The following TANC2 variants were observed in gnomAD, a reference collection of about 807,000 sequenced individuals.
TANC2 encodes the protein tetratricopeptide repeat, ankyrin repeat and coiled-coil containing 2.
TANC2 carries 26 observed loss-of-function variants against 210.5 expected under a neutral mutation model. That is an observed-to-expected ratio of 0.12 (90% CI 0.09 to 0.17). TANC2 has a LOEUF of 0.17. Among genes scored for constraint, TANC2 ranks in the 10% least tolerant of loss-of-function variants. The pLI is 1.00. For missense variants in TANC2, 2,129 were observed against 2,608.9 expected, an observed-to-expected ratio of 0.82 and a Z score of 4.01; for synonymous variants, 931 against 967.1, an observed-to-expected ratio of 0.96 and a Z score of 0.69.
In TANC2 at chr17:63,036,210, TA is replaced by T. The variant is rs200249089; in HGVS notation, c.67+26586del. Among the ~76,000 whole-genome samples the T allele has an allele frequency of 6.0e-3, 893 of 147,856 alleles. 7 individuals are homozygous for T. The highest frequency in any genetic ancestry group is 0.014 in the Middle Eastern group (4 of 280). On this transcript the variant is annotated intron_variant, in intron 2 of 27. Coordinates refer to ENST00000689528, the Ensembl canonical transcript of TANC2. The stretch of plus-strand genomic sequence containing the variant: ...CTATCATATTTAAAAACTCTTTGGC[TA>T]ATCACAAGTCATAAAGATTTCTCCT...
chr17:63,088,982 A>T (rs2037080799), intron 3 of TANC2: 1 of 152,142 alleles, frequency 6.6e-6, no homozygotes, highest in South Asian at 2.1e-4. Flanking sequence ...TCATTCATAG[A>T]ATTTATTTCA....
chr17:63,310,034 AT>A (rs1439021592), intron 9 of TANC2, among the ~76,000 whole-genome samples: 1 of 152,202 alleles, frequency 6.6e-6, no homozygotes, highest in Non-Finnish European at 1.5e-5. Flanking sequence ...AAAAATGTTA[AT>A]GTTTTTATAC....
chr17:63,339,275 T>C (rs1199959105), intron 11 of TANC2, among the ~76,000 whole-genome samples: 23 of 152,120 alleles, frequency 1.5e-4, no homozygotes, highest in Admixed American at 1.5e-3. Flanking sequence ...CTTTTCTGGG[T>C]AGTAATGAGC....
chr17:63,326,429 G>A lies in TANC2; in HGVS notation c.1575+7339G>A, dbSNP rs115081334. Among the ~76,000 whole-genome samples the A allele has an allele frequency of 3.6e-3, 552 of 152,270 alleles. 5 individuals carry two copies. Among genetic ancestry groups the A allele is most frequent in the African/African-American group, 0.013 (543 of 41,564 alleles). On this transcript the variant is annotated intron_variant, in intron 11 of 27. Transcript: ENST00000689528. ...CATGCAACTAATGGAAGAAAACTTA[G>A]TAACTTTCTCTTTAACCTTGGTGAA...
intron 2 of TANC2, among the ~76,000 whole-genome samples, chr17:63,036,878 A>G (rs1414881175): frequency 1.3e-5 from 2 of 150,154 alleles, no homozygotes; most frequent in Non-Finnish European, 3.0e-5. Context: ...TAGTGGTACA[A>G]TAGTGCCCTC....
chr17:63,201,184 G>T (rs1004185575), intron 7 of TANC2, among the ~76,000 whole-genome samples: 18 of 151,910 alleles, frequency 1.2e-4, no homozygotes, highest in African/African-American at 2.4e-5. Context: ...TGATAAGAAG[G>T]AGTGGATTTA....
chr17:63,208,772 T>C (rs1214803452), intron 7 of TANC2, among the ~76,000 whole-genome samples: 1 of 152,182 alleles, frequency 6.6e-6, no homozygotes, highest in Non-Finnish European at 1.5e-5. Context: ...TATATTTTTA[T>C]GCGTTTGTCA....
chr17:63,217,358 G>A (rs894048538), intron 7 of TANC2, among the ~76,000 whole-genome samples: 8 of 152,180 alleles, frequency 5.3e-5, no homozygotes, highest in Non-Finnish European at 1.0e-4. Flanking sequence ...GGGTGAGGTA[G>A]GGACATTATT....
chr17:63,176,953 T>C (rs963754191), intron 5 of TANC2, among the ~76,000 whole-genome samples: 6 of 151,828 alleles, frequency 4.0e-5, no homozygotes, highest in Non-Finnish European at 5.9e-5. Context: ...TTACCAGATG[T>C]ATATATTTAT....
At chr17:63,190,072 T>A (rs927919643) in intron 5 of TANC2, among the ~76,000 whole-genome samples, 1 of 152,210 alleles carries the variant, frequency 6.6e-6, no homozygotes, top group African/African-American at 2.4e-5. Flanking sequence ...TGGTGACTCA[T>A]GCCTGTAATT....
intron 7 of TANC2, among the ~76,000 whole-genome samples, chr17:63,217,883 A>G (rs565369307): frequency 6.6e-6 from 1 of 152,346 alleles, no homozygotes; most frequent in East Asian, 1.9e-4. Flanking sequence ...AATGGGTTTT[A>G]TACCAGGAAT....
intron 5 of TANC2, among the ~76,000 whole-genome samples, chr17:63,178,688 C>G (rs547263790): frequency 5.9e-5 from 9 of 152,292 alleles, no homozygotes; most frequent in African/African-American, 2.2e-4. Context: ...GCACAGATTT[C>G]TAAGTCTTGA....
chr17:63,060,461 A>C (rs961698116), intron 2 of TANC2, among the ~76,000 whole-genome samples: 1 of 152,144 alleles, frequency 6.6e-6, no homozygotes, highest in African/African-American at 2.4e-5. Context: ...TCTATACCAG[A>C]AATACAAAAA....
chr17:63,292,590 G>A (rs1289082576), intron 9 of TANC2, among the ~76,000 whole-genome samples: 1 of 152,182 alleles, frequency 6.6e-6, no homozygotes, highest in South Asian at 2.1e-4. Context: ...GTGGTAAAAG[G>A]AAGAATGGAG....
chr17:63,277,354 A>G (rs1324719294), intron 9 of TANC2, among the ~76,000 whole-genome samples: 4 of 149,726 alleles, frequency 2.7e-5, no homozygotes, highest in African/African-American at 9.9e-5. Context: ...AACTTGTGTC[A>G]CGGGGGTTTG....
At chr17:63,166,802 T>A (rs1441169029) in intron 5 of TANC2, among the ~76,000 whole-genome samples, 1 of 152,168 alleles carries the variant, frequency 6.6e-6, no homozygotes, top group Admixed American at 6.5e-5. Flanking sequence ...TCTCATCAGA[T>A]ACATATATAT....
At chr17:63,184,498 A>C (rs930639086) in intron 5 of TANC2, among the ~76,000 whole-genome samples, 1 of 152,162 alleles carries the variant, frequency 6.6e-6, no homozygotes, top group African/African-American at 2.4e-5. Flanking sequence ...ACAAATTAAG[A>C]TATTGAATGT....
intron 2 of TANC2, among the ~76,000 whole-genome samples, chr17:63,061,355 G>A (rs534366504): frequency 3.2e-4 from 49 of 151,542 alleles, no homozygotes; most frequent in African/African-American, 1.1e-3. Flanking sequence ...TGACAAGAGC[G>A]AAACTCTGTC....
chr17:63,183,388 ATAT>A (rs2040860007), intron 5 of TANC2, among the ~76,000 whole-genome samples: 1 of 152,256 alleles, frequency 6.6e-6, no homozygotes, highest in Admixed American at 6.5e-5. Flanking sequence ...GTAGTGCAAG[ATAT>A]TAATGCATTC....
Sources: allele counts gnomAD v4.1 joint callset (sites outside exome capture counted in the v4.1 genomes callset), GRCh38; gene constraint gnomAD v4.1.1; transcripts MANE v1.5; gene names NCBI Gene and HGNC (gene_info 2026-07-23, HGNC 2026-07-21).